PARD3: variants seen among roughly 807,000 people sequenced by gnomAD.
PARD3 encodes partitioning defective 3 homolog.
PARD3 carries 75 observed loss-of-function variants against 155.4 expected under a neutral mutation model. That is an observed-to-expected ratio of 0.48 (90% CI 0.40 to 0.58). The LOEUF (loss-of-function observed/expected upper bound fraction) is 0.58, where lower values mean the gene tolerates loss of function less well. PARD3 is among the 20% of genes least tolerant of loss of function. The pLI, the probability that PARD3 is intolerant of heterozygous loss-of-function variation, is 0.00. For synonymous variants in PARD3, 576 were observed against 610.5 expected (o/e 0.94, Z 0.83); for missense variants, 1,642 against 1,721.7 (o/e 0.95, Z 0.82).
chr10:34,600,885 CAA>C (rs1339919477), intron 2 of PARD3, among the ~76,000 whole-genome samples: 1 of 151,218 alleles, frequency 6.6e-6, no homozygotes, highest in Non-Finnish European at 1.5e-5. Flanking sequence ...CTCTCAAGCT[CAA>C]GTGATAATTC....
intron 23 of PARD3, among the ~76,000 whole-genome samples, chr10:34,122,993 A>C (rs1240161249): frequency 2.0e-5 from 3 of 152,260 alleles, no homozygotes; most frequent in Non-Finnish European, 2.9e-5. Context: ...CTGCAGCGAC[A>C]AAGTAACACC....
chr10:34,356,046 G>A (rs1350996416), intron 14 of PARD3, among the ~76,000 whole-genome samples: 1 of 151,350 alleles, frequency 6.6e-6, no homozygotes, highest in African/African-American at 2.4e-5. Flanking sequence ...CCTTAGAGAA[G>A]ACCCGGAGTA....
Position 34,587,320 on chromosome 10 carries a change from A to C in PARD3, c.223-70161T>G, listed in dbSNP as rs1263257118. The stretch of plus-strand genomic sequence containing the variant: ...ATATTTTTAGTAGAGATGGGGTTTC[A>C]CCATCTTGGCCAGTCTGGTCTCAAA... On this transcript the variant is annotated intron_variant, in intron 2 of 24. Coordinates refer to ENST00000374788, the MANE Select transcript of PARD3 (RefSeq NM_001184785.2). Among the ~76,000 whole-genome samples, 4 of 152,126 alleles carry C rather than the reference A, an allele frequency of 2.6e-5. No individual in the cohort carries two copies. In the South Asian group the frequency reaches 8.3e-4, roughly 32 times the overall value.
At chr10:34,720,015 G>A (rs2094578435) in intron 1 of PARD3, among the ~76,000 whole-genome samples, 1 of 152,198 alleles carries the variant, frequency 6.6e-6, no homozygotes, top group South Asian at 2.1e-4. Flanking sequence ...ATTTTGGATG[G>A]ACACACAAGC....
At chr10:34,305,976 C>T (rs1301074590) in intron 20 of PARD3, among the ~76,000 whole-genome samples, 5 of 151,378 alleles carry the variant, frequency 3.3e-5, no homozygotes, top group Middle Eastern at 3.2e-3. Flanking sequence ...GATCCTGTCT[C>T]TAAAAAAATT....
At chr10:34,534,382 T>G (rs2083075142) in intron 2 of PARD3, among the ~76,000 whole-genome samples, 2 of 152,018 alleles carry the variant, frequency 1.3e-5, no homozygotes, top group Non-Finnish European at 2.9e-5. Flanking sequence ...CGGGCGTGCC[T>G]CTCAGGCTGA....
chr10:34,162,133 C>T (rs1263277321), intron 22 of PARD3, among the ~76,000 whole-genome samples: 1 of 152,126 alleles, frequency 6.6e-6, no homozygotes, highest in Non-Finnish European at 1.5e-5. Flanking sequence ...ATTTATACCA[C>T]ATGTTTTGTG....
intron 2 of PARD3, among the ~76,000 whole-genome samples, chr10:34,667,036 C>T (rs187967786): frequency 2.6e-5 from 4 of 151,806 alleles, no homozygotes; most frequent in East Asian, 1.9e-4. Context: ...GACGTGGTGG[C>T]GCATGCCTAT....
intron 14 of PARD3, among the ~76,000 whole-genome samples, chr10:34,353,073 T>C (rs1466342138): frequency 1.3e-5 from 2 of 150,512 alleles, no homozygotes; most frequent in Non-Finnish European, 3.0e-5. Context: ...GCCCCGCAGC[T>C]GCCCTGTCTG....
At chr10:34,713,681 G>T (rs181595234) in intron 1 of PARD3, among the ~76,000 whole-genome samples, 2 of 152,042 alleles carry the variant, frequency 1.3e-5, no homozygotes, top group Non-Finnish European at 2.9e-5. Flanking sequence ...TAGGAGGATC[G>T]CTTGAGCCCA....
chr10:34,213,346 A>T (rs941129610), intron 22 of PARD3, among the ~76,000 whole-genome samples: 3 of 152,184 alleles, frequency 2.0e-5, no homozygotes, highest in African/African-American at 7.2e-5. Flanking sequence ...ACTCACCCCT[A>T]TGGGAGGGCA....
chr10:34,718,149 C>CAA (rs71033340), intron 1 of PARD3, among the ~76,000 whole-genome samples: 1,276 of 82,668 alleles, frequency 0.015, 42 homozygotes, highest in African/African-American at 0.052. Context: ...GACTCCATCT[C>CAA]AAAAAAAAAA....
intron 1 of PARD3, among the ~76,000 whole-genome samples, chr10:34,769,464 T>C (rs150266733): frequency 6.6e-6 from 1 of 151,820 alleles, no homozygotes; most frequent in Admixed American, 6.5e-5. Context: ...GTGAAAATCA[T>C]TACTGTAATT....
At chr10:34,531,091 G>T (rs1302190898) in intron 2 of PARD3, among the ~76,000 whole-genome samples, 1 of 152,180 alleles carries the variant, frequency 6.6e-6, no homozygotes, top group South Asian at 2.1e-4. Flanking sequence ...AGGCTCAGGG[G>T]TTAGCAGCTT....
rs564095014 is a variant in PARD3, at chr10:34,217,127, G to A, written c.3419+52530C>T. On this transcript the variant is annotated intron_variant, in intron 22 of 24. Transcript: ENST00000374788. ...ATCGTGGGTTGGTATGGAAGACACA[G>A]TGTGAAATCCAGTAACTCTGGCCTG... 3.9e-5 allele frequency among the ~76,000 whole-genome samples: 6 copies of A among 152,174 alleles called. No individual in the cohort carries two copies. The South Asian group carries it at 1.2e-3, about 32-fold the overall frequency.
intron 1 of PARD3, among the ~76,000 whole-genome samples, chr10:34,748,680 C>T (rs1162752312): frequency 1.3e-5 from 2 of 152,038 alleles, no homozygotes; most frequent in Non-Finnish European, 2.9e-5. Context: ...CCAGCAAAAG[C>T]CTGGCTCACC....
rs534018291 is a variant in PARD3, at chr10:34,438,101, C to G, written c.714+12216G>C. Among the ~76,000 whole-genome samples the G allele has an allele frequency of 2.0e-5, 3 of 152,318 alleles. No homozygotes were observed. The East Asian group carries it at 5.8e-4, about 29-fold the overall frequency. Reference sequence around the variant, plus strand: ...ACGGCTAGTGTGATCAGCGGTGATACAGCAGACACCACTGGATACAGGCCA... The same window carrying G: ...ACGGCTAGTGTGATCAGCGGTGATAGAGCAGACACCACTGGATACAGGCCA... On this transcript the variant is annotated intron_variant, in intron 5 of 24. Coordinates refer to ENST00000374788, the MANE Select transcript of PARD3 (RefSeq NM_001184785.2).
chr10:34,574,231 A>G (rs183399194), intron 2 of PARD3, among the ~76,000 whole-genome samples: 2 of 152,324 alleles, frequency 1.3e-5, no homozygotes, highest in Non-Finnish European at 2.9e-5. Flanking sequence ...CTTATGGGTT[A>G]AAAATCATTA....
chr10:34,612,372 A>C (rs1293685044), intron 2 of PARD3, among the ~76,000 whole-genome samples: 2 of 152,238 alleles, frequency 1.3e-5, no homozygotes, highest in Non-Finnish European at 2.9e-5. Flanking sequence ...GAGAGAAATT[A>C]TTCTTTAGGA....
Sources: allele counts gnomAD v4.1 joint callset (sites outside exome capture counted in the v4.1 genomes callset), GRCh38; gene constraint gnomAD v4.1.1; transcripts MANE v1.5; gene names NCBI Gene and HGNC (gene_info 2026-07-23, HGNC 2026-07-21).